Variants in IFFO2 observed in about 807,000 individuals in gnomAD.
IFFO2 encodes the protein intermediate filament family orphan 2.
In IFFO2, 19 loss-of-function variants were observed where a neutral mutation model predicts 53.5. The ratio of observed to expected loss-of-function variants is 0.36; its 90% CI spans 0.25 to 0.52. The LOEUF (loss-of-function observed/expected upper bound fraction) is 0.52. IFFO2 is among the 20% of genes least tolerant of loss of function. The pLI is 0.94. For missense variants in IFFO2, 570 were observed against 727.4 expected (o/e 0.78, Z 2.49); for synonymous variants, 303 against 313.6 (o/e 0.97, Z 0.36).
At chr1:18,951,591 C>G (rs1443520009) in intron 1 of IFFO2, among the ~76,000 whole-genome samples, 1 of 152,150 alleles carries the variant, frequency 6.6e-6, no homozygotes, top group Non-Finnish European at 1.5e-5. Context: ...CTACTAGCGC[C>G]GGGCAACTTC....
chr1:18,955,686 C>T lies in IFFO2; in HGVS notation c.647G>A (p.Arg216His). ...YNVLAKVKRE[R>H]DEYKRRWEEE... is the part of the protein sequence containing the mutation. ...CACTCACCTCCGCTTATACTCGTCG[C>T]GCTCGCGCTTCACCTTGGCCAGCAC... Residue 216 changes from arginine (R) to histidine (H), a missense_variant, in exon 1 of 9, where the codon CGC becomes CAC. By Grantham distance (29) the Arg-to-His change is conservative. Transcript: ENST00000455833. The T allele has an allele frequency of 6.3e-7, 1 of 1,588,986 alleles. No homozygotes were observed. Among genetic ancestry groups the T allele is most frequent in the Middle Eastern group, 2.0e-4 (1 of 4,994 alleles).
At chr1:18,926,149 G>GGATGGATA (rs1463689521) in intron 1 of IFFO2, among the ~76,000 whole-genome samples, 29 of 149,456 alleles carry the variant, frequency 1.9e-4, no homozygotes, top group African/African-American at 7.1e-4. Flanking sequence ...ATGGATGGAT[G>GGATGGATA]GATCCAAAGC....
At chr1:18,930,670 T>A (rs1162373129) in intron 1 of IFFO2, among the ~76,000 whole-genome samples, 1 of 152,146 alleles carries the variant, frequency 6.6e-6, no homozygotes, top group African/African-American at 2.4e-5. Flanking sequence ...CATGGCACCT[T>A]CCAACACACA....
chr1:18,933,647 A>T (rs965171921), intron 1 of IFFO2, among the ~76,000 whole-genome samples: 1 of 152,054 alleles, frequency 6.6e-6, no homozygotes, highest in Admixed American at 6.6e-5. Context: ...AGTCCCAGAT[A>T]CTCAGGAGGC....
At chr1:18,938,960 C>A (rs1046611491) in intron 1 of IFFO2, among the ~76,000 whole-genome samples, 2 of 152,236 alleles carry the variant, frequency 1.3e-5, no homozygotes, top group Admixed American at 1.3e-4. Flanking sequence ...CCAGCCCTGG[C>A]AGGCAACACT....
intron 1 of IFFO2, among the ~76,000 whole-genome samples, chr1:18,939,985 GCCAGTGTC>G (rs888244421): frequency 1.3e-5 from 2 of 152,230 alleles, no homozygotes; most frequent in Non-Finnish European, 2.9e-5. Flanking sequence ...AGGAAAAGAA[GCCAGTGTC>G]CAGTAGGGTA....
At chr1:18,943,945 G>A (rs1430680387) in intron 1 of IFFO2, among the ~76,000 whole-genome samples, 1 of 152,200 alleles carries the variant, frequency 6.6e-6, no homozygotes, top group Non-Finnish European at 1.5e-5. Flanking sequence ...TCTGCTCCAA[G>A]TGCTCTGTCC....
At chr1:18,954,160 C>A (rs1488240247) in intron 1 of IFFO2, among the ~76,000 whole-genome samples, 1 of 152,202 alleles carries the variant, frequency 6.6e-6, no homozygotes, top group African/African-American at 2.4e-5. Context: ...TAAGACCTAC[C>A]CCCAGGAAGC....
At position 18,955,756 on chromosome 1, in the gene IFFO2, C is replaced by T. The variant is rs1289559008; in HGVS notation, c.577G>A (p.Val193Met). The T allele has an allele frequency of 6.4e-6, 10 of 1,572,864 alleles. No homozygotes were observed. Among genetic ancestry groups the T allele is most frequent in the Non-Finnish European group, 8.6e-6 (10 of 1,164,788 alleles). The change falls in exon 1 of 9, where the codon GTG becomes ATG. Residue 193 changes from valine (V) to methionine (M), a missense_variant. Coordinates refer to ENST00000455833, the MANE Select transcript of IFFO2 (RefSeq NM_001136265.2). ...TCCGGCGTGATGGTGTCGATCTGCA[C>T]GCCCACGCCGTCGGGGTGCACCCAC... ...VSWVHPDGVG[V>M]QIDTITPEIR...
rs2148190467 is a variant in IFFO2 at position 18,947,940 on chromosome 1, A to T, written c.665+7728T>A. On this transcript the variant is annotated intron_variant, in intron 1 of 8. Coordinates refer to ENST00000455833, the MANE Select transcript of IFFO2 (RefSeq NM_001136265.2). The surrounding 1 kb of genome is among the most constrained non-coding windows in gnomAD (Gnocchi z 5.0). Reference sequence around the variant, plus strand: ...CTTTGGCAACCTCCAGGGGCATGGGACAAGGCCACCTCCTGGGAGGAGCAC... The same window carrying T: ...CTTTGGCAACCTCCAGGGGCATGGGTCAAGGCCACCTCCTGGGAGGAGCAC... 6.6e-6 allele frequency among the ~76,000 whole-genome samples: 1 copy of T among 152,306 alleles called. No homozygotes were observed. The highest frequency in any genetic ancestry group is 2.1e-4 in the South Asian group (1 of 4,820).
At position 18,948,723 on chromosome 1, in the gene IFFO2, A is replaced by G. The variant is rs1936621429; in HGVS notation, c.665+6945T>C. ...ATGCTCAAAGGGCTGTGCAACTCAC[A>G]GATGCTGCCAGCAAAGGGCACGGGA... On this transcript the variant is annotated intron_variant, in intron 1 of 8. Coordinates refer to ENST00000455833, the MANE Select transcript of IFFO2 (RefSeq NM_001136265.2). Among the ~76,000 whole-genome samples the G allele has an allele frequency of 2.0e-5, 3 of 152,336 alleles. No homozygotes were observed. In the South Asian group the frequency reaches 6.2e-4, roughly 32 times the overall value.
intron 1 of IFFO2, among the ~76,000 whole-genome samples, chr1:18,945,018 G>A (rs1380407244): frequency 6.6e-6 from 1 of 152,176 alleles, no homozygotes; most frequent in Non-Finnish European, 1.5e-5. Flanking sequence ...GGCACCAGGA[G>A]CAGCTCCACA....
intron 5 of IFFO2, among the ~76,000 whole-genome samples, chr1:18,915,890 AGAGGT>A: frequency 6.6e-6 from 1 of 151,846 alleles, no homozygotes; most frequent in Non-Finnish European, 1.5e-5. Context: ...TTTGGGAGGC[AGAGGT>A]AGGCAGATCA....
intron 1 of IFFO2, among the ~76,000 whole-genome samples, chr1:18,934,388 G>A (rs1034631380): frequency 1.3e-5 from 2 of 152,118 alleles, no homozygotes; most frequent in African/African-American, 4.8e-5. Context: ...ATTTCATTTA[G>A]CATAATATCC....
intron 1 of IFFO2, 78 bp from the exon 2 acceptor site, chr1:18,921,199 C>A (rs988110582): frequency 1.6e-6 from 2 of 1,233,172 alleles, no homozygotes; most frequent in Non-Finnish European, 2.3e-6. Context: ...AACCCCAACA[C>A]CCACCCAGGG....
rs1244888199 is a variant in IFFO2, at chr1:18,919,425, G to C, written c.822+253C>G. On this transcript the variant is annotated intron_variant, in intron 3 of 8. Transcript: ENST00000455833. The surrounding 1 kb of genome is among the most constrained non-coding windows in gnomAD (Gnocchi z 4.9). Reference sequence around the variant, plus strand: ...ACACACAGACCATCAGGGGAGCCCGGGGGAGGGCGGGATAGGTTAAGCGGC... The same window carrying C: ...ACACACAGACCATCAGGGGAGCCCGCGGGAGGGCGGGATAGGTTAAGCGGC... 1.3e-5 allele frequency among the ~76,000 whole-genome samples: 2 copies of C among 152,050 alleles called. No homozygotes were observed. Among genetic ancestry groups the C allele is most frequent in the African/African-American group, 4.8e-5 (2 of 41,370 alleles).
chr1:18,947,163 A>G lies in IFFO2; in HGVS notation c.665+8505T>C, dbSNP rs1936601036. Among the ~76,000 whole-genome samples, 1 of 152,244 alleles carries G rather than the reference A, an allele frequency of 6.6e-6. No homozygotes were observed. Among genetic ancestry groups the G allele is most frequent in the South Asian group, 2.1e-4 (1 of 4,836 alleles). ...CTCATCTTCCCCAACAAGAGGCACCAAACGATTGTAACAACTTCCCTGTTC... is the reference window on the plus strand; with the variant it reads ...CTCATCTTCCCCAACAAGAGGCACCGAACGATTGTAACAACTTCCCTGTTC... On this transcript the variant is annotated intron_variant, in intron 1 of 8. Transcript: ENST00000455833. The surrounding 1 kb of genome is among the most constrained non-coding windows in gnomAD (Gnocchi z 5.0).
chr1:18,938,120 G>A (rs1008451998), intron 1 of IFFO2, among the ~76,000 whole-genome samples: 15 of 152,230 alleles, frequency 9.9e-5, no homozygotes, highest in African/African-American at 2.2e-4. Flanking sequence ...ACACTTTGAC[G>A]TCAGGCAGAG....
At chr1:18,945,308 AC>A (rs1323057210) in intron 1 of IFFO2, among the ~76,000 whole-genome samples, 2 of 150,458 alleles carry the variant, frequency 1.3e-5, no homozygotes, top group Non-Finnish European at 3.0e-5. Flanking sequence ...TTCCACTACC[AC>A]CCCCCAAGAT....
Sources: allele counts gnomAD v4.1 joint callset (sites outside exome capture counted in the v4.1 genomes callset), GRCh38; gene constraint gnomAD v4.1.1; non-coding constraint Gnocchi (gnomAD v3.1); transcripts MANE v1.5; gene names NCBI Gene and HGNC (gene_info 2026-07-23, HGNC 2026-07-21).